The following MOB4 variants were observed in gnomAD, a reference collection of about 807,000 sequenced individuals.
MOB4 encodes MOB-like protein phocein.
In MOB4, 4 loss-of-function variants were observed where a neutral mutation model predicts 32.2. The observed-to-expected ratio is 0.12, with a 90% CI of 0.06 to 0.28. The LOEUF (loss-of-function observed/expected upper bound fraction) is 0.28. MOB4 is among the 10% of genes least tolerant of loss of function. MOB4 has a pLI of 1.00. For synonymous variants in MOB4, 88 were observed against 88.1 expected, an observed-to-expected ratio of 1.00 and a Z score of 0.01; for missense variants, 158 against 271.2, an observed-to-expected ratio of 0.58 and a Z score of 2.93.
chr2:197,537,518 T>G (rs1325159341), intron 3 of MOB4, among the ~76,000 whole-genome samples: 5 of 152,222 alleles, frequency 3.3e-5, no homozygotes, highest in Non-Finnish European at 5.9e-5. Context: ...GCTGCATGCT[T>G]CTTTAGAAAT....
At chr2:197,524,367 C>T (rs2106108408) in intron 2 of MOB4, among the ~76,000 whole-genome samples, 1 of 151,656 alleles carries the variant, frequency 6.6e-6, no homozygotes, top group Middle Eastern at 3.4e-3. Context: ...CCTGTCTCTA[C>T]TAAAAACATA....
At chr2:197,548,274 G>A (rs1222680563) in intron 5 of MOB4, 62 bp from the exon 6 acceptor site, 1 of 1,442,684 alleles carries the variant, frequency 6.9e-7, no homozygotes, top group Non-Finnish European at 9.5e-7. Flanking sequence ...CCCATATAAT[G>A]AATATATCTA....
intron 3 of MOB4, among the ~76,000 whole-genome samples, chr2:197,539,542 T>G (rs980870879): frequency 6.6e-6 from 1 of 152,118 alleles, no homozygotes; most frequent in Non-Finnish European, 1.5e-5. Flanking sequence ...GGTCTTGAAC[T>G]CCTGACCTCA....
rs1384492670 is a variant in MOB4, at chr2:197,550,275, G to A, written c.435G>A (p.Arg145=). 2 of 1,610,662 alleles carry A rather than the reference G, an allele frequency of 1.2e-6. No homozygotes were observed. The highest frequency in any genetic ancestry group is 2.2e-5 in the South Asian group (2 of 90,744). The part of the protein sequence containing the change: ...LLNSNKYFPS[R]VSIKESSVAK... Reference sequence around the variant, plus strand: ...TCTATGGTTTCTTTTCTACTTCTAGGGTTAGCATAAAGGAATCATCTGTAG... The same window carrying A: ...TCTATGGTTTCTTTTCTACTTCTAGAGTTAGCATAAAGGAATCATCTGTAG... The change falls in exon 7 of 8, where the codon AGG becomes AGA. Residue 145 remains arginine (R), a splice_region_variant and synonymous_variant. Coordinates refer to ENST00000323303, the MANE Select transcript of MOB4 (RefSeq NM_015387.5).
intron 2 of MOB4, among the ~76,000 whole-genome samples, chr2:197,529,084 TCTC>T (rs1277193251): frequency 6.6e-6 from 1 of 151,560 alleles, no homozygotes; most frequent in East Asian, 1.9e-4. Flanking sequence ...TTCAAGCAGT[TCTC>T]CTGCCTCAGC....
chr2:197,523,851 C>T (rs1314939944), intron 2 of MOB4, among the ~76,000 whole-genome samples, 165 bp downstream of exon 2: 1 of 152,218 alleles, frequency 6.6e-6, no homozygotes, highest in Non-Finnish European at 1.5e-5. Context: ...CTCCAATAAC[C>T]TAAGCATTTT....
upstream of MOB4, chr2:197,515,986 G>A: frequency 3.2e-6 from 4 of 1,260,346 alleles, no homozygotes; most frequent in Non-Finnish European, 4.4e-6. Context: ...GTCAGCTGCC[G>A]CTCCTCCTCC....
At chr2:197,544,087 G>T (rs949034175) in intron 5 of MOB4, among the ~76,000 whole-genome samples, 1 of 149,468 alleles carries the variant, frequency 6.7e-6, no homozygotes, top group Non-Finnish European at 1.5e-5. Flanking sequence ...TCGCTCTGTC[G>T]CCCAGGCTGG....
chr2:197,535,395 T>C (rs2086780838), intron 2 of MOB4, 135 bp from the exon 3 acceptor site: 4 of 664,674 alleles, frequency 6.0e-6, no homozygotes, highest in Non-Finnish European at 9.4e-6. Context: ...TATGATTCTA[T>C]ACTTGGTTTC....
At chr2:197,540,518 G>A in intron 5 of MOB4, 81 bp downstream of exon 5, 1 of 1,324,342 alleles carries the variant, frequency 7.6e-7, no homozygotes, top group Non-Finnish European at 1.0e-6. Flanking sequence ...CAAGTTTTTA[G>A]GGTTTTTAGT....
intron 5 of MOB4, among the ~76,000 whole-genome samples, chr2:197,545,901 G>C (rs1312130148): frequency 1.3e-5 from 2 of 152,208 alleles, no homozygotes; most frequent in East Asian, 3.9e-4. Flanking sequence ...GAATTTTTAA[G>C]AGTAAATTTT....
At chr2:197,533,785 G>T in intron 2 of MOB4, 1 of 564,472 alleles carries the variant, frequency 1.8e-6, no homozygotes. Flanking sequence ...GTGTGTGCGT[G>T]TGACTCAGTT....
chr2:197,526,981 A>G (rs1281171507), intron 2 of MOB4, among the ~76,000 whole-genome samples: 1 of 152,102 alleles, frequency 6.6e-6, no homozygotes, highest in Non-Finnish European at 1.5e-5. Context: ...ATAGAGACAG[A>G]ATTTTGCAAT....
At position 197,550,415 on chromosome 2, in the gene MOB4, G is replaced by T. The variant is rs764009315; in HGVS notation, c.546+29G>T. The T allele has an allele frequency of 1.9e-6, 3 of 1,608,064 alleles. No homozygotes were observed. In the Admixed American group the frequency reaches 5.0e-5, roughly 27 times the overall value. ...AGTATATTTCACTGATTATCTTGAT[G>T]CATTCTTATCAGTGTAACAGTAATA... On this transcript the variant is annotated intron_variant, in intron 7 of 7. Transcript: ENST00000323303.
At chr2:197,548,505 A>G (rs1361550257) in intron 6 of MOB4, 90 bp downstream of exon 6, 18 of 691,500 alleles carry the variant, frequency 2.6e-5, no homozygotes, top group Non-Finnish European at 4.1e-5. Context: ...GGATAGTATT[A>G]GGAGCTATAC....
At chr2:197,516,826 G>A (rs901592046) in intron 1 of MOB4, 1 of 444,030 alleles carries the variant, frequency 2.3e-6, no homozygotes, top group Admixed American at 2.4e-5. Context: ...CAGCTTTTTT[G>A]TAGGGCATTA....
chr2:197,535,507 C>T, intron 2 of MOB4, 23 bp from the exon 3 acceptor site: 1 of 1,569,644 alleles, frequency 6.4e-7, no homozygotes, highest in Non-Finnish European at 8.6e-7. Context: ...TTTAATTAAC[C>T]ATAAGAACTT....
Position 197,548,365 on chromosome 2 carries a change from A to C in MOB4, c.384A>C (p.Thr128=). 1 of 1,612,304 alleles carries C rather than the reference A, an allele frequency of 6.2e-7. No homozygotes were observed. Among genetic ancestry groups the C allele is most frequent in the Non-Finnish European group, 8.5e-7 (1 of 1,179,246 alleles). The change falls in exon 6 of 8, where the codon ACA becomes ACC. Residue 128 remains threonine (T), a synonymous_variant. Transcript: ENST00000323303. ...ECPAIDYTRH[T]LDGAACLLNS... ...CTGCTATAGACTATACTAGACACAC[A>C]CTTGATGGTGCTGCATGTCTTCTGA...
intron 5 of MOB4, among the ~76,000 whole-genome samples, chr2:197,547,217 T>C (rs1028677706): frequency 6.6e-6 from 1 of 152,202 alleles, no homozygotes; most frequent in African/African-American, 2.4e-5. Flanking sequence ...GGGGTTGGTC[T>C]TGCCGTTGCT....
Sources: gnomAD v4.1 joint callset for allele counts (sites outside exome capture counted in the v4.1 genomes callset) on GRCh38, gnomAD v4.1.1 for gene constraint, MANE v1.5 for transcripts, NCBI Gene and HGNC (gene_info 2026-07-23, HGNC 2026-07-21) for gene names.